The following SRL variants were observed in gnomAD, a reference collection of about 807,000 sequenced individuals.
The protein encoded by SRL is sarcalumenin.
SRL carries 23 observed loss-of-function variants against 39.5 expected under a neutral mutation model. That is an observed-to-expected ratio of 0.58 (90% confidence interval 0.42 to 0.82). The LOEUF (loss-of-function observed/expected upper bound fraction) is 0.82, where lower values mean the gene tolerates loss of function less well. Among genes scored for constraint, SRL ranks in the 40% least tolerant of loss-of-function variants. SRL has a pLI of 0.00. For synonymous variants in SRL, 272 were observed against 237.4 expected, an observed-to-expected ratio of 1.15 and a Z score of -1.34; for missense variants, 592 against 607.8, an observed-to-expected ratio of 0.97 and a Z score of 0.27.
At chr16:4,197,421 CTT>C (rs71139621) in intron 4 of SRL, among the ~76,000 whole-genome samples, 3 of 107,560 alleles carry the variant, frequency 2.8e-5, no homozygotes, top group Admixed American at 2.3e-4. Context: ...CTTTTCTTTC[CTT>C]TTTTTTTTTT....
In SRL at chr16:4,189,534, G is replaced by T. The variant is rs1403975029; in HGVS notation, c.*2619C>A. 2.6e-5 allele frequency: 4 copies of T among 151,934 alleles called. No homozygotes were observed. Among genetic ancestry groups the T allele is most frequent in the African/African-American group, 9.7e-5 (4 of 41,298 alleles). 9.4% of individuals were successfully genotyped at this position (151,934 alleles called of 1,614,324 possible). A position where few individuals can be genotyped will look rare whatever the true frequency, so the allele number is the denominator to read the frequency against. ...CCAGTTCCTAATCCCCCACCCCAAAGAGTCAGAATTCTGCTTAAAGCCCCC... is the reference window on the plus strand; with the variant it reads ...CCAGTTCCTAATCCCCCACCCCAAATAGTCAGAATTCTGCTTAAAGCCCCC... On this transcript the variant is annotated 3_prime_UTR_variant, in exon 6 of 6. Transcript: ENST00000399609.
chr16:4,204,048 G>A (rs1170985035), intron 2 of SRL, among the ~76,000 whole-genome samples: 2 of 152,188 alleles, frequency 1.3e-5, no homozygotes, highest in African/African-American at 2.4e-5. Context: ...TCTACCCCTC[G>A]ATCCGCCACC....
At chr16:4,239,379 G>A (rs2052747180) in intron 1 of SRL, among the ~76,000 whole-genome samples, 3 of 152,222 alleles carry the variant, frequency 2.0e-5, no homozygotes, top group Admixed American at 1.3e-4. Flanking sequence ...GGTGGAGGAA[G>A]GATGAGATGG....
At chr16:4,199,941 C>A (rs1389154896) in intron 3 of SRL, among the ~76,000 whole-genome samples, 1 of 152,172 alleles carries the variant, frequency 6.6e-6, no homozygotes, top group Non-Finnish European at 1.5e-5. Context: ...AAGTGATCCA[C>A]CTGCCTCGGC....
chr16:4,239,395 A>T lies in SRL; in HGVS notation c.61+2612T>A, dbSNP rs9939730. 2.5e-3 allele frequency among the ~76,000 whole-genome samples: 374 copies of T among 152,326 alleles called. 1 individual carries two copies. Among genetic ancestry groups the T allele is most frequent in the African/African-American group, 8.1e-3 (335 of 41,566 alleles). On this transcript the variant is annotated intron_variant, in intron 1 of 5. Coordinates refer to ENST00000399609, the MANE Select transcript of SRL (RefSeq NM_001098814.2). ...GTGGAGGAAGGATGAGATGGACAGG[A>T]ATCCCCAGATCCCCAATCTCCGTAT... is the stretch of plus-strand genomic sequence containing the variant.
chr16:4,225,464 G>A lies in SRL; in HGVS notation c.61+16543C>T, dbSNP rs568654891. On this transcript the variant is annotated intron_variant, in intron 1 of 5. Transcript: ENST00000399609. ...CTGGGTGTGGTGGTGTGCACCTATA[G>A]TGCCAGCTACTCAGGAGGCTGAGGT... is the stretch of plus-strand genomic sequence containing the variant. 2.8e-4 allele frequency among the ~76,000 whole-genome samples: 42 copies of A among 152,024 alleles called. 1 individual carries two copies. The South Asian group carries it at 8.5e-3, about 31-fold the overall frequency.
intron 1 of SRL, chr16:4,207,791 G>C (rs999887309): frequency 4.4e-6 from 2 of 455,452 alleles, no homozygotes; most frequent in Non-Finnish European, 8.8e-6. Context: ...CCACTGGTGG[G>C]CCATTCTTTT....
intron 1 of SRL, among the ~76,000 whole-genome samples, chr16:4,240,592 G>C (rs1259208992): frequency 6.6e-6 from 1 of 152,114 alleles, no homozygotes; most frequent in Non-Finnish European, 1.5e-5. Flanking sequence ...ACAAGCACCT[G>C]CCTGCGTCCT....
At chr16:4,207,914 C>T (rs1485867824) in intron 1 of SRL, 5 of 456,616 alleles carry the variant, frequency 1.1e-5, no homozygotes, top group African/African-American at 2.0e-5. Context: ...TGGCGGCAGA[C>T]GCGGGGGTCT....
At chr16:4,199,206 A>C (rs1418480983) in intron 3 of SRL, among the ~76,000 whole-genome samples, 1 of 152,144 alleles carries the variant, frequency 6.6e-6, no homozygotes, top group African/African-American at 2.4e-5. Context: ...AAGATCAGGA[A>C]TATAAAAAGG....
At chr16:4,194,888 T>G (rs1330119834) in intron 5 of SRL, among the ~76,000 whole-genome samples, 3 of 151,962 alleles carry the variant, frequency 2.0e-5, no homozygotes, top group African/African-American at 7.2e-5. Flanking sequence ...AAAAGTAGTT[T>G]TCTTTTCTTC....
chr16:4,233,074 G>A (rs534200379), intron 1 of SRL, among the ~76,000 whole-genome samples: 4 of 152,344 alleles, frequency 2.6e-5, no homozygotes, highest in South Asian at 2.1e-4. Context: ...CTGAGAGAGC[G>A]GGGAATAGGG....
At chr16:4,218,741 C>T (rs374692677) in intron 1 of SRL, among the ~76,000 whole-genome samples, 2 of 152,242 alleles carry the variant, frequency 1.3e-5, no homozygotes, top group East Asian at 1.9e-4. Context: ...ACCTGCTCAG[C>T]CGGGGAGGTG....
At chr16:4,231,104 C>T (rs1167823093) in intron 1 of SRL, among the ~76,000 whole-genome samples, 1 of 152,116 alleles carries the variant, frequency 6.6e-6, no homozygotes, top group Non-Finnish European at 1.5e-5. Context: ...CACTTGAGCC[C>T]AGAAGCTCAA....
At chr16:4,225,927 C>T (rs1309731868) in intron 1 of SRL, among the ~76,000 whole-genome samples, 1 of 152,122 alleles carries the variant, frequency 6.6e-6, no homozygotes, top group Non-Finnish European at 1.5e-5. Context: ...CCATCTCTCC[C>T]ATGTGCCCCC....
rs997217855 is a variant in SRL at position 4,204,395 on chromosome 16, AGCCTCCAAGATAGATACAGCCCCG to A, written c.163+114_163+137del. On this transcript the variant is annotated intron_variant, in intron 2 of 5. Coordinates refer to ENST00000399609, the MANE Select transcript of SRL (RefSeq NM_001098814.2). ...TCTCCTCTTCCCCAACGTCCCCTCC[AGCCTCCAAGATAGATACAGCCCCG>A]GCCTCCAAGATACAGCCCCGGCACG... is the stretch of plus-strand genomic sequence containing the variant. The A allele has an allele frequency of 1.0e-3, 82 of 80,496 alleles. 1 individual carries two copies. The East Asian group carries it at 0.016, about 15-fold the overall frequency. The allele number at this position is 80,496 out of a possible 1,614,324, so 5.0% of individuals were successfully genotyped here. A position where few individuals can be genotyped will look rare whatever the true frequency, so the allele number is the denominator to read the frequency against.
chr16:4,233,690 C>A (rs1027875262), intron 1 of SRL, among the ~76,000 whole-genome samples: 1 of 152,138 alleles, frequency 6.6e-6, no homozygotes, highest in African/African-American at 2.4e-5. Flanking sequence ...ACAGGGCTGA[C>A]AAGGGGCTGA....
chr16:4,233,488 C>G (rs2052680240), intron 1 of SRL, among the ~76,000 whole-genome samples: 2 of 152,196 alleles, frequency 1.3e-5, no homozygotes, highest in Non-Finnish European at 2.9e-5. Flanking sequence ...TGGGCTGAAA[C>G]CCTGTCCCTC....
At chr16:4,241,659 G>A (rs142843478) in intron 1 of SRL, among the ~76,000 whole-genome samples, 160 of 152,258 alleles carry the variant, frequency 1.1e-3, no homozygotes, top group African/African-American at 3.8e-3. Context: ...CTCCCAGACT[G>A]TGCTATTTTG....
Sources: gnomAD v4.1 joint callset for allele counts (sites outside exome capture counted in the v4.1 genomes callset) on GRCh38, gnomAD v4.1.1 for gene constraint, MANE v1.5 for transcripts, NCBI Gene and HGNC (gene_info 2026-07-23, HGNC 2026-07-21) for gene names.